COX17: variants seen among roughly 807,000 people sequenced by gnomAD.
The protein encoded by COX17 is cytochrome c oxidase copper chaperone.
In COX17, 1 loss-of-function variant was observed where a neutral mutation model predicts 6.3. That is an observed-to-expected ratio of 0.16 (90% CI 0.06 to 0.75). COX17 has a LOEUF of 0.75. COX17 is among the 30% of genes least tolerant of loss of function. The pLI, the probability that COX17 is intolerant of heterozygous loss-of-function variation, is 0.77. For missense variants in COX17, 73 were observed against 81.2 expected (o/e 0.90, Z 0.39); for synonymous variants, 26 against 30.5 (o/e 0.85, Z 0.49).
chr3:119,666,730 A>C (rs759494103), downstream of COX17, among the ~76,000 whole-genome samples: 2 of 152,216 alleles, frequency 1.3e-5, no homozygotes, highest in Non-Finnish European at 2.9e-5. Flanking sequence ...TGTCCTCAGT[A>C]AGTGATGAAT....
downstream of COX17, among the ~76,000 whole-genome samples, chr3:119,668,205 T>C (rs991840308): frequency 3.3e-5 from 5 of 152,154 alleles, no homozygotes; most frequent in South Asian, 1.0e-3. Flanking sequence ...CTAGTATATA[T>C]CAGAAATTAA....
intron 2 of COX17, among the ~76,000 whole-genome samples, chr3:119,671,983 T>C (rs1329294966): frequency 1.3e-5 from 2 of 152,208 alleles, no homozygotes; most frequent in Non-Finnish European, 2.9e-5. Context: ...AGAAGGGTCC[T>C]ATATGGATTC....
intron 2 of COX17, among the ~76,000 whole-genome samples, chr3:119,670,277 G>T (rs2053031061): frequency 6.6e-6 from 1 of 152,156 alleles, no homozygotes; most frequent in African/African-American, 2.4e-5. Context: ...TATCCCAGAA[G>T]ATTGAGAACA....
At chr3:119,669,507 C>T (rs1375277834), downstream of COX17, 1 of 151,950 alleles carries the variant, frequency 6.6e-6, no homozygotes, top group Non-Finnish European at 1.5e-5. Context: ...ATGAGGAACA[C>T]AAAAAAGAAA....
chr3:119,669,886 T>C (rs1174996313), intron 2 of COX17, among the ~76,000 whole-genome samples: 1 of 152,234 alleles, frequency 6.6e-6, no homozygotes. Flanking sequence ...TTATTTACTC[T>C]TTAAAAGTTT....
intron 2 of COX17, among the ~76,000 whole-genome samples, chr3:119,673,964 T>C (rs1294432277): frequency 6.9e-6 from 1 of 145,902 alleles, no homozygotes; most frequent in Non-Finnish European, 1.5e-5. Flanking sequence ...GTGAGGTGCC[T>C]CTCCGCCTGG....
chr3:119,669,633 CTTCAGGAATTAT>C lies in COX17; in HGVS notation c.*25_*36del, dbSNP rs2053024932. On this transcript the variant is annotated 3_prime_UTR_variant, in exon 3 of 3. Transcript: ENST00000261070. ...ACTCCCAAAATTAATCTTCTTCATT[CTTCAGGAATTAT>C]TTATTCACACAGCAGACCACCTACA... The C allele has an allele frequency of 6.6e-6, 1 of 152,240 alleles. No homozygotes were observed. Among genetic ancestry groups the C allele is most frequent in the East Asian group, 1.9e-4 (1 of 5,202 alleles). The allele number at this position is 152,240 out of a possible 1,614,324, so 9.4% of individuals were successfully genotyped here. A position where few individuals can be genotyped will look rare whatever the true frequency, so the allele number is the denominator to read the frequency against.
At chr3:119,674,795 CAAAA>C (rs58394788) in intron 2 of COX17, 514 of 134,360 alleles carry the variant, frequency 3.8e-3, no homozygotes, top group South Asian at 9.9e-3. Context: ...GACCCTGTCT[CAAAA>C]AAAAAAAAAA....
At chr3:119,676,972 A>G (rs1270788128) in intron 1 of COX17, 1 of 623,870 alleles carries the variant, frequency 1.6e-6, no homozygotes. Flanking sequence ...GAAACCTACA[A>G]GGCCCAATAA....
chr3:119,671,338 A>G (rs1282128354), intron 2 of COX17, among the ~76,000 whole-genome samples: 1 of 152,244 alleles, frequency 6.6e-6, no homozygotes, highest in Non-Finnish European at 1.5e-5. Flanking sequence ...TAAAAAATGT[A>G]TAATAGATTT....
downstream of COX17, among the ~76,000 whole-genome samples, chr3:119,666,210 T>C (rs2052990964): frequency 6.6e-6 from 1 of 152,134 alleles, no homozygotes; most frequent in Non-Finnish European, 1.5e-5. Context: ...TCCATAAAAA[T>C]ACATATAACC....
chr3:119,667,688 TACACAC>T (rs58875404), downstream of COX17, among the ~76,000 whole-genome samples: 16,865 of 136,680 alleles, frequency 0.12, 1,125 homozygotes, highest in Admixed American at 0.19. Context: ...GTAAAAGGTG[TACACAC>T]ACACACACAC....
downstream of COX17, among the ~76,000 whole-genome samples, chr3:119,664,577 G>A (rs1271610078): frequency 2.0e-5 from 3 of 152,188 alleles, no homozygotes; most frequent in African/African-American, 7.2e-5. Flanking sequence ...CAAGAGGCAG[G>A]CGAGGCAGGC....
chr3:119,677,337 G>A lies in COX17; in HGVS notation c.-27C>T, dbSNP rs766355272. ...TTTCGCGCCAAAAGCAGCTATGAGC[G>A]GAGACAGCCAAATCTATGCCAGCCT... On this transcript the variant is annotated 5_prime_UTR_variant, in exon 1 of 3. Transcript: ENST00000261070. The A allele has an allele frequency of 2.5e-6, 4 of 1,585,364 alleles. No individual in the cohort carries two copies. Among genetic ancestry groups the A allele is most frequent in the South Asian group, 1.1e-5 (1 of 89,190 alleles).
Sources: gnomAD v4.1 joint callset for allele counts (sites outside exome capture counted in the v4.1 genomes callset) on GRCh38, gnomAD v4.1.1 for gene constraint, MANE v1.5 for transcripts, NCBI Gene and HGNC (gene_info 2026-07-23, HGNC 2026-07-21) for gene names.